Variants in KIF21A observed in about 807,000 individuals in gnomAD.
KIF21A encodes kinesin-like protein KIF21A.
In KIF21A, 114 loss-of-function variants were observed where a neutral mutation model predicts 202.9. The ratio of observed to expected loss-of-function variants is 0.56; its 90% confidence interval spans 0.48 to 0.66. KIF21A has a LOEUF of 0.66. KIF21A is among the 30% of genes least tolerant of loss of function. KIF21A has a pLI of 0.00. For synonymous variants in KIF21A, 667 were observed against 670.8 expected, an observed-to-expected ratio of 0.99 and a Z score of 0.09; for missense variants, 1,677 against 1,994.9, an observed-to-expected ratio of 0.84 and a Z score of 3.04.
At chr12:39,372,170 A>G (rs1950008839) in intron 1 of KIF21A, among the ~76,000 whole-genome samples, 1 of 152,216 alleles carries the variant, frequency 6.6e-6, no homozygotes, top group Non-Finnish European at 1.5e-5. Flanking sequence ...AAAGGTTAAC[A>G]GGAAGAACAG....
At chr12:39,435,122 G>A (rs915068719) in intron 1 of KIF21A, among the ~76,000 whole-genome samples, 7 of 152,140 alleles carry the variant, frequency 4.6e-5, no homozygotes, top group Non-Finnish European at 1.0e-4. Flanking sequence ...TAGCCTCTGG[G>A]TGGGTCCATT....
At chr12:39,426,930 T>C (rs1391634539) in intron 1 of KIF21A, among the ~76,000 whole-genome samples, 1 of 151,878 alleles carries the variant, frequency 6.6e-6, no homozygotes, top group Non-Finnish European at 1.5e-5. Flanking sequence ...ATCGTTTTAC[T>C]GTCTGAGAAA....
chr12:39,293,733 G>GA lies in KIF21A; in HGVS notation c.*690dup, dbSNP rs34373131. The stretch of plus-strand genomic sequence containing the variant: ...ATCACAGAATATATGCACAGCACTG[G>GA]AAAAAAAAAAAAAAATTAACAGCAT... On this transcript the variant is annotated 3_prime_UTR_variant, in exon 38 of 38. Transcript: ENST00000361418. 0.091 allele frequency: 12,622 copies of GA among 139,160 alleles called. 1,373 individuals carry two copies. The highest frequency in any genetic ancestry group is 0.27 in the African/African-American group (10,448 of 38,836). 8.6% of individuals were successfully genotyped at this position (139,160 alleles called of 1,614,324 possible).
intron 37 of KIF21A, among the ~76,000 whole-genome samples, chr12:39,298,449 T>C (rs1205562701): frequency 6.6e-6 from 1 of 152,158 alleles, no homozygotes; most frequent in East Asian, 1.9e-4. Context: ...CATACAGGGC[T>C]ATGAGATGTT....
At chr12:39,325,252 C>A (rs998035537) in intron 26 of KIF21A, among the ~76,000 whole-genome samples, 6 of 151,974 alleles carry the variant, frequency 3.9e-5, no homozygotes, top group Admixed American at 3.9e-4. Context: ...TAATCAGCAG[C>A]TTAAGAATCA....
rs74503872 is a variant in KIF21A, at chr12:39,301,680, C to T, written c.4732-1G>A. The T allele has an allele frequency of 6.2e-7, 1 of 1,613,584 alleles. No homozygotes were observed. Among genetic ancestry groups the T allele is most frequent in the Non-Finnish European group, 8.5e-7 (1 of 1,179,682 alleles). ...AATCCTTATGTGCATTTGGAACTTGCTAAAAGAAAAAAAGTGAAATCAGCA... is the reference window on the plus strand; with the variant it reads ...AATCCTTATGTGCATTTGGAACTTGTTAAAAGAAAAAAAGTGAAATCAGCA... On this transcript the variant is annotated splice_acceptor_variant, in intron 36 of 37. Transcript: ENST00000361418. LOFTEE classifies it high-confidence loss of function.
In KIF21A at chr12:39,346,517, GAGGCAC is replaced by G; in HGVS notation, c.1674-19_1674-14del. Reference sequence around the variant, plus strand: ...AAGTTTCTGTAGCCTTCAAAATCACGAGGCACAGTATTGGAAGGCCAAGCCAATGAA... The same window carrying G: ...AAGTTTCTGTAGCCTTCAAAATCACGAGTATTGGAAGGCCAAGCCAATGAA... On this transcript the variant is annotated splice_polypyrimidine_tract_variant and intron_variant, in intron 11 of 37. Coordinates refer to ENST00000361418, the MANE Select transcript of KIF21A (RefSeq NM_001173464.2). The G allele has an allele frequency of 6.8e-7, 1 of 1,479,886 alleles. No homozygotes were observed. Among genetic ancestry groups the G allele is most frequent in the Non-Finnish European group, 8.9e-7 (1 of 1,117,854 alleles). The allele number at this position is 1,479,886 out of a possible 1,614,324, so 91.7% of individuals were successfully genotyped here.
chr12:39,406,290 G>A (rs908466257), intron 1 of KIF21A, among the ~76,000 whole-genome samples: 1 of 152,098 alleles, frequency 6.6e-6, no homozygotes, highest in African/African-American at 2.4e-5. Flanking sequence ...CCTCCTTTGT[G>A]GGTAACTATA....
chr12:39,318,012 C>G (rs898785157), intron 29 of KIF21A, 61 bp downstream of exon 29: 13 of 1,522,632 alleles, frequency 8.5e-6, no homozygotes, highest in Non-Finnish European at 1.2e-5. Flanking sequence ...TTTCTACAGA[C>G]TGTATTGACA....
chr12:39,361,105 C>T (rs1949171922), intron 7 of KIF21A, among the ~76,000 whole-genome samples: 1 of 152,206 alleles, frequency 6.6e-6, no homozygotes, highest in African/African-American at 2.4e-5. Context: ...GCCTAAAACT[C>T]AGCAGAAATT....
rs963333841 is a variant in KIF21A, at chr12:39,333,756, T to C, written c.2419-476A>G. Among the ~76,000 whole-genome samples, 3 of 152,118 alleles carry C rather than the reference T, an allele frequency of 2.0e-5. No individual in the cohort carries two copies. In the East Asian group the frequency reaches 5.8e-4, roughly 29 times the overall value. On this transcript the variant is annotated intron_variant, in intron 17 of 37. Transcript: ENST00000361418. The stretch of plus-strand genomic sequence containing the variant: ...ATTTGATTAGTACTTATAATAACTA[T>C]GGATCTTATGGTGGATAAAGTAAAT...
intron 26 of KIF21A, among the ~76,000 whole-genome samples, chr12:39,323,289 C>T (rs1361301075): frequency 1.3e-5 from 2 of 151,992 alleles, no homozygotes; most frequent in Non-Finnish European, 2.9e-5. Context: ...TGCTCTCCTG[C>T]CACTTGCGGC....
intron 1 of KIF21A, among the ~76,000 whole-genome samples, chr12:39,432,992 A>T (rs912259986): frequency 6.6e-6 from 1 of 152,202 alleles, no homozygotes; most frequent in African/African-American, 2.4e-5. Context: ...GATTACAACA[A>T]TTTCAAAAAA....
At chr12:39,332,853 G>T (rs773062038) in intron 19 of KIF21A, 40 bp downstream of exon 19, 2 of 1,607,856 alleles carry the variant, frequency 1.2e-6, no homozygotes, top group South Asian at 2.2e-5. Flanking sequence ...AGTATTAACG[G>T]CCAAGAAGAT....
intron 1 of KIF21A, among the ~76,000 whole-genome samples, chr12:39,372,896 C>T (rs542618806): frequency 1.3e-5 from 2 of 152,184 alleles, no homozygotes; most frequent in African/African-American, 2.4e-5. Context: ...ACCTCAATTC[C>T]ATGTCAATTC....
intron 1 of KIF21A, among the ~76,000 whole-genome samples, chr12:39,414,914 G>C (rs1953415444): frequency 2.1e-5 from 3 of 144,018 alleles, no homozygotes; most frequent in Admixed American, 6.9e-5. Context: ...GATTACAAGT[G>C]TTTTGTTTTT....
chr12:39,390,771 T>C (rs1448732223), intron 1 of KIF21A, among the ~76,000 whole-genome samples: 1 of 152,196 alleles, frequency 6.6e-6, no homozygotes, highest in Non-Finnish European at 1.5e-5. Context: ...ATATATGTCA[T>C]TCAACAAGTG....
At chr12:39,363,886 T>C (rs923663026) in intron 6 of KIF21A, among the ~76,000 whole-genome samples, 3 of 152,246 alleles carry the variant, frequency 2.0e-5, no homozygotes, top group African/African-American at 7.2e-5. Context: ...AGCGTGGTGG[T>C]GTGTGCCTGT....
At position 39,340,946 on chromosome 12, in the gene KIF21A, C is replaced by A; in HGVS notation, c.2070G>T (p.Arg690=). The change falls in exon 15 of 38, where the codon CGG becomes CGT. Residue 690 remains arginine (R), a synonymous_variant. Transcript: ENST00000361418. ...EKLMMLQHKI[R]DTQLERDQVL... Reference sequence around the variant, plus strand: ...CCTGGTCTCTTTCAAGCTGAGTATCCCGAATTTTATGTTGCAGCATCATTA... The same window carrying A: ...CCTGGTCTCTTTCAAGCTGAGTATCACGAATTTTATGTTGCAGCATCATTA... The A allele has an allele frequency of 6.2e-7, 1 of 1,613,002 alleles. No homozygotes were observed. Among genetic ancestry groups the A allele is most frequent in the Non-Finnish European group, 8.5e-7 (1 of 1,179,438 alleles).
Sources: gnomAD v4.1 joint callset for allele counts (sites outside exome capture counted in the v4.1 genomes callset) on GRCh38, gnomAD v4.1.1 for gene constraint, MANE v1.5 for transcripts, NCBI Gene and HGNC (gene_info 2026-07-23, HGNC 2026-07-21) for gene names.